The following SMARCD3 variants were observed in gnomAD, a reference collection of about 807,000 sequenced individuals.
SMARCD3 encodes the protein SWI/SNF-related matrix-associated actin-dependent regulator of chromatin subfamily D member 3.
SMARCD3 carries 14 observed loss-of-function variants against 58.0 expected under a neutral mutation model. That is an observed-to-expected ratio of 0.24 (90% CI 0.16 to 0.38). SMARCD3 has a LOEUF of 0.38. Among genes scored for constraint, SMARCD3 ranks in the 10% least tolerant of loss-of-function variants. The pLI is 1.00. For synonymous variants in SMARCD3, 253 were observed against 253.8 expected (o/e 1.00, Z 0.03); for missense variants, 408 against 636.9 (o/e 0.64, Z 3.87).
intron 2 of SMARCD3, among the ~76,000 whole-genome samples, chr7:151,258,435 T>G (rs959363048): frequency 5.3e-5 from 8 of 151,572 alleles, no homozygotes; most frequent in Admixed American, 1.3e-4. Context: ...TGTGGTGGCA[T>G]GCAACTGTAA....
At chr7:151,265,897 C>G (rs1170757659) in intron 2 of SMARCD3, among the ~76,000 whole-genome samples, 1 of 152,208 alleles carries the variant, frequency 6.6e-6, no homozygotes, top group African/African-American at 2.4e-5. Flanking sequence ...TAATTTATCA[C>G]TCTTTGGTAA....
In SMARCD3 at chr7:151,239,028, T is replaced by C; in HGVS notation, c.*75A>G. On this transcript the variant is annotated 3_prime_UTR_variant, in exon 13 of 13. Coordinates refer to ENST00000262188, the MANE Select transcript of SMARCD3 (RefSeq NM_001003801.2). This position sits in a 1 kb window ranked among gnomAD's most constrained non-coding sequence, Gnocchi z 7.0. ...ACACCCCAAGGTGGCAGAGGAGTGA[T>C]GCTGGAGCCCGGGGCAAAATGCTGG... is the stretch of plus-strand genomic sequence containing the variant. 2 of 1,433,066 alleles carry C rather than the reference T, an allele frequency of 1.4e-6. No homozygotes were observed. The highest frequency in any genetic ancestry group is 2.0e-6 in the Non-Finnish European group (2 of 1,015,440). The allele number at this position is 1,433,066 out of a possible 1,614,324, so 88.8% of individuals were successfully genotyped here.
chr7:151,271,549 T>A (rs1178942351), intron 2 of SMARCD3, among the ~76,000 whole-genome samples: 1 of 152,144 alleles, frequency 6.6e-6, no homozygotes, highest in Non-Finnish European at 1.5e-5. Flanking sequence ...TTATTTCCTA[T>A]AAGGATATTA....
upstream of SMARCD3, among the ~76,000 whole-genome samples, chr7:151,276,902 A>AGGGATGCCAGGCAGGGGGAGGAGG (rs1484303315): frequency 1.8e-5 from 1 of 55,142 alleles, no homozygotes; most frequent in African/African-American, 6.9e-5. Flanking sequence ...AGGGAGGAGA[A>AGGGATGCCAGGCAGGGGGAGGAGG]GGGATGCCAG....
Position 151,242,298 on chromosome 7 carries a change from C to G in SMARCD3, c.580-66G>C, listed in dbSNP as rs1382139348. ...CGAGGTGGGAGGAGCAGAAGGAGGC[C>G]AAGTTGGCAGCCGACAGGGCAGTGG... is the stretch of plus-strand genomic sequence containing the variant. On this transcript the variant is annotated intron_variant, in intron 5 of 12. Transcript: ENST00000262188. The surrounding 1 kb of genome is among the most constrained non-coding windows in gnomAD (Gnocchi z 4.7). 6.8e-7 allele frequency: 1 copy of G among 1,467,472 alleles called. No individual in the cohort carries two copies. The highest frequency in any genetic ancestry group is 1.4e-5 in the African/African-American group (1 of 72,030). The allele number at this position is 1,467,472 out of a possible 1,614,324, so 90.9% of individuals were successfully genotyped here.
chr7:151,252,452 A>AGC (rs1227183669), upstream of SMARCD3, among the ~76,000 whole-genome samples: 19 of 151,640 alleles, frequency 1.3e-4, no homozygotes, highest in East Asian at 3.5e-3. Context: ...AGAGAGAGAG[A>AGC]GAGCGAGAGA....
intron 2 of SMARCD3, among the ~76,000 whole-genome samples, chr7:151,265,782 T>C (rs1804061337): frequency 6.6e-6 from 1 of 152,238 alleles, no homozygotes; most frequent in African/African-American, 2.4e-5. Context: ...ATTTATCATC[T>C]TACCTCTCTC....
chr7:151,252,625 CG>C (rs1190346773), upstream of SMARCD3, among the ~76,000 whole-genome samples: 1 of 152,186 alleles, frequency 6.6e-6, no homozygotes, highest in Non-Finnish European at 1.5e-5. Flanking sequence ...GCACCAGCCT[CG>C]GGGGACCTCT....
chr7:151,251,820 G>A (rs867238476), upstream of SMARCD3, among the ~76,000 whole-genome samples: 30 of 151,232 alleles, frequency 2.0e-4, no homozygotes, highest in African/African-American at 6.8e-4. Flanking sequence ...CGCTCCCCGC[G>A]CAGGGAGAGA....
chr7:151,241,519 G>A lies in SMARCD3; in HGVS notation c.912C>T (p.Tyr304=). 3 of 1,612,422 alleles carry A rather than the reference G, an allele frequency of 1.9e-6. No individual in the cohort carries two copies. The highest frequency in any genetic ancestry group is 2.5e-6 in the Non-Finnish European group (3 of 1,179,304). The change falls in exon 8 of 13, where the codon TAC becomes TAT. Residue 304 remains tyrosine, a synonymous_variant. Transcript: ENST00000262188. This position sits in a 1 kb window ranked among gnomAD's most constrained non-coding sequence, Gnocchi z 5.3. ...GCTGGAAATACTTGTCCCCATTGAT[G>A]TATTCCTTGTCATGGGAGTCCTGCA... The part of the protein sequence containing the change: ...NRLQDSHDKE[Y]INGDKYFQQI...
chr7:151,238,934 CCCCCT>C lies in SMARCD3; in HGVS notation c.*164_*168del. 2 of 1,028,230 alleles carry C rather than the reference CCCCCT, an allele frequency of 1.9e-6. No homozygotes were observed. The highest frequency in any genetic ancestry group is 2.9e-6 in the Non-Finnish European group (2 of 684,770). The allele number at this position is 1,028,230 out of a possible 1,614,324, so 63.7% of individuals were successfully genotyped here. A position where few individuals can be genotyped will look rare whatever the true frequency, so the allele number is the denominator to read the frequency against. On this transcript the variant is annotated 3_prime_UTR_variant, in exon 13 of 13. Coordinates refer to ENST00000262188, the MANE Select transcript of SMARCD3 (RefSeq NM_001003801.2). ...CCACCTTCTTCCCTTCCCCTTCTCT[CCCCCT>C]CCCCTCCCCAGTTTCCAATGACCAC...
intron 2 of SMARCD3, among the ~76,000 whole-genome samples, chr7:151,244,805 A>G (rs2150594563): frequency 1.3e-5 from 2 of 152,312 alleles, no homozygotes; most frequent in South Asian, 4.1e-4. Flanking sequence ...AAATACTGAA[A>G]CCCGGAGGGG....
upstream of SMARCD3, among the ~76,000 whole-genome samples, chr7:151,249,699 G>T (rs1803447891): frequency 6.6e-6 from 1 of 151,754 alleles, no homozygotes; most frequent in African/African-American, 2.4e-5. The surrounding 1 kb of genome is among the most constrained non-coding windows in gnomAD (Gnocchi z 4.8). Flanking sequence ...GGGCAGCTGG[G>T]CTGGGTATAG....
chr7:151,277,068 G>C (rs1299511577), upstream of SMARCD3: 1 of 149,564 alleles, frequency 6.7e-6, no homozygotes, highest in African/African-American at 2.4e-5. Context: ...CGCGGCGCGG[G>C]TCGCTCACCT....
At chr7:151,258,965 C>T (rs1330551887) in intron 2 of SMARCD3, among the ~76,000 whole-genome samples, 1 of 152,038 alleles carries the variant, frequency 6.6e-6, no homozygotes, top group Non-Finnish European at 1.5e-5. Flanking sequence ...TCTTTTATTC[C>T]CCTCCACTTT....
chr7:151,252,031 T>G (rs961739177), upstream of SMARCD3, among the ~76,000 whole-genome samples: 15 of 151,362 alleles, frequency 9.9e-5, no homozygotes, highest in Non-Finnish European at 2.2e-4. Context: ...GCTGCAGGAC[T>G]CCGCGGCGGC....
intron 2 of SMARCD3, among the ~76,000 whole-genome samples, chr7:151,274,893 C>T (rs1158330596): frequency 6.6e-6 from 1 of 152,056 alleles, no homozygotes; most frequent in Non-Finnish European, 1.5e-5. Flanking sequence ...AGAGGACACG[C>T]AGGAAAGGGA....
intron 1 of SMARCD3, among the ~76,000 whole-genome samples, chr7:151,276,225 C>T (rs1004166370): frequency 6.0e-5 from 9 of 151,182 alleles, no homozygotes; most frequent in African/African-American, 2.2e-4. Flanking sequence ...AGACGGTGGC[C>T]AAGTGGAGAC....
At chr7:151,268,700 AT>A (rs1795068502) in intron 2 of SMARCD3, among the ~76,000 whole-genome samples, 1 of 152,094 alleles carries the variant, frequency 6.6e-6, no homozygotes, top group Non-Finnish European at 1.5e-5. Context: ...TCTGGAGAGG[AT>A]GATGATTATA....
Sources: allele counts gnomAD v4.1 joint callset (sites outside exome capture counted in the v4.1 genomes callset), GRCh38; gene constraint gnomAD v4.1.1; non-coding constraint Gnocchi (gnomAD v3.1); transcripts MANE v1.5; gene names NCBI Gene and HGNC (gene_info 2026-07-23, HGNC 2026-07-21).